Variants in RASGRP4 observed in about 807,000 individuals in gnomAD.
The protein encoded by RASGRP4 is RAS guanyl-releasing protein 4.
RASGRP4 carries 52 observed loss-of-function variants against 84.4 expected under a neutral mutation model. The observed-to-expected ratio is 0.62, with a 90% CI of 0.49 to 0.78. The LOEUF (loss-of-function observed/expected upper bound fraction) is 0.78. Among genes scored for constraint, RASGRP4 ranks in the 30% least tolerant of loss-of-function variants. The pLI is 0.00. For synonymous variants in RASGRP4, 356 were observed against 359.1 expected (o/e 0.99, Z 0.10); for missense variants, 760 against 886.9 (o/e 0.86, Z 1.82).
chr19:38,415,319 C>T (rs1326786750), intron 8 of RASGRP4, among the ~76,000 whole-genome samples, 196 bp from the exon 9 acceptor site: 3 of 152,036 alleles, frequency 2.0e-5, no homozygotes, highest in Non-Finnish European at 4.4e-5. Flanking sequence ...AGAAGTTCCA[C>T]AATCCCCCAT....
rs1334260358 is a variant in RASGRP4 at position 38,410,020 on chromosome 19, GA to G, written c.*19del. Reference sequence around the variant, plus strand: ...CTGACTGGGGGAAGGGAGTGAGGAAGAGAGGAGACCAAGAGATGTCTAGGAA... The same window carrying G: ...CTGACTGGGGGAAGGGAGTGAGGAAGGAGGAGACCAAGAGATGTCTAGGAA... On this transcript the variant is annotated 3_prime_UTR_variant, in exon 17 of 17. Transcript: ENST00000615439. The G allele has an allele frequency of 2.5e-6, 4 of 1,603,830 alleles. No individual in the cohort carries two copies. The highest frequency in any genetic ancestry group is 3.4e-6 in the Non-Finnish European group (4 of 1,173,380).
chr19:38,409,951 C>A lies in RASGRP4; in HGVS notation c.*89G>T. ...TGGGAAGGCGGATGCCTCTGGAGGC[C>A]TACCTCTGGGAGCCCTGCCAGAGTC... On this transcript the variant is annotated 3_prime_UTR_variant, in exon 17 of 17. Coordinates refer to ENST00000615439, the MANE Select transcript of RASGRP4 (RefSeq NM_170604.3). 2 of 1,055,456 alleles carry A rather than the reference C, an allele frequency of 1.9e-6. No homozygotes were observed. Among genetic ancestry groups the A allele is most frequent in the Non-Finnish European group, 2.8e-6 (2 of 714,822 alleles). The allele number at this position is 1,055,456 out of a possible 1,614,324, so 65.4% of individuals were successfully genotyped here. A position where few individuals can be genotyped will look rare whatever the true frequency, so the allele number is the denominator to read the frequency against.
intron 8 of RASGRP4, among the ~76,000 whole-genome samples, chr19:38,415,643 G>A (rs1251689786): frequency 6.6e-6 from 1 of 151,906 alleles, no homozygotes; most frequent in African/African-American, 2.4e-5. Context: ...AAAGTGTTGG[G>A]ATTACAGGCG....
chr19:38,421,291 G>A lies in RASGRP4; in HGVS notation c.209-91C>T, dbSNP rs113614985. On this transcript the variant is annotated intron_variant, in intron 2 of 16. Coordinates refer to ENST00000615439, the MANE Select transcript of RASGRP4 (RefSeq NM_170604.3). The stretch of plus-strand genomic sequence containing the variant: ...ATCCTGCCGGACCACCTGGTTCAAA[G>A]ACCAGCTCTAACGGTGATCCCCAGC... The A allele has an allele frequency of 7.9e-3, 7,329 of 922,656 alleles. 36 individuals are homozygous for A. Among genetic ancestry groups the A allele is most frequent in the Non-Finnish European group, 0.01 (5,934 of 572,870 alleles). The allele number at this position is 922,656 out of a possible 1,614,324, so 57.2% of individuals were successfully genotyped here.
chr19:38,412,944 G>A lies in RASGRP4; in HGVS notation c.1522C>T (p.Pro508Ser). 1 of 1,613,980 alleles carries A rather than the reference G, an allele frequency of 6.2e-7. No homozygotes were observed. ...FPFACHGLHP[P>S]PRQGRGSFSR... ...ACAACCACTTACCCCTGGCGTGGGGGTGGGTGAAGCCCATGGCAGGCGAAG... is the reference window on the plus strand; with the variant it reads ...ACAACCACTTACCCCTGGCGTGGGGATGGGTGAAGCCCATGGCAGGCGAAG... The change falls in exon 12 of 17, where the codon CCC becomes TCC. Residue 508 changes from proline to serine, a missense_variant. Physicochemically the swap from Pro to Ser is moderately conservative, Grantham distance 74 (BLOSUM62 -1). Transcript: ENST00000615439. This position sits in a 1 kb window ranked among gnomAD's most constrained non-coding sequence, Gnocchi z 4.6.
chr19:38,414,417 C>T (rs1469527036), intron 9 of RASGRP4, among the ~76,000 whole-genome samples: 1 of 152,016 alleles, frequency 6.6e-6, no homozygotes, highest in Non-Finnish European at 1.5e-5. Context: ...ACCTCCACCT[C>T]CCGGGTTCAA....
rs374491405 is a variant in RASGRP4, at chr19:38,417,176, G to C, written c.838-8C>G. On this transcript the variant is annotated splice_region_variant and splice_polypyrimidine_tract_variant and intron_variant, in intron 7 of 16. Coordinates refer to ENST00000615439, the MANE Select transcript of RASGRP4 (RefSeq NM_170604.3). This position sits in a 1 kb window ranked among gnomAD's most constrained non-coding sequence, Gnocchi z 5.1. ...CTGCAGCTGGTGGAGCCTCTAGGAAGAGAAGCATGCACACAGGGCCGTCAC... is the reference window on the plus strand; with the variant it reads ...CTGCAGCTGGTGGAGCCTCTAGGAACAGAAGCATGCACACAGGGCCGTCAC... 6.5e-7 allele frequency: 1 copy of C among 1,540,484 alleles called. No individual in the cohort carries two copies. Among genetic ancestry groups the C allele is most frequent in the East Asian group, 2.4e-5 (1 of 41,078 alleles).
rs1162650696 is a variant in RASGRP4 at position 38,413,435 on chromosome 19, C to T, written c.1270G>A (p.Glu424Lys). 1 of 1,606,738 alleles carries T rather than the reference C, an allele frequency of 6.2e-7. No homozygotes were observed. Among genetic ancestry groups the T allele is most frequent in the East Asian group, 2.2e-5 (1 of 44,566 alleles). Reference protein sequence around the residue: ...DLFYTEDEIYELSYAREPRCP... With the variant: ...DLFYTEDEIYKLSYAREPRCP... ...CGCGGCTCCCGGGCATAAGAAAGCTCATAGATCTCGTCTTCCGTGTAGAAG... is the reference window on the plus strand; with the variant it reads ...CGCGGCTCCCGGGCATAAGAAAGCTTATAGATCTCGTCTTCCGTGTAGAAG... The change falls in exon 10 of 17, where the codon GAG (glutamate) becomes AAG (lysine). Residue 424 changes from glutamate to lysine, a missense_variant. Physicochemically the swap from Glu to Lys is moderately conservative, Grantham distance 56. Transcript: ENST00000615439. This position sits in a 1 kb window ranked among gnomAD's most constrained non-coding sequence, Gnocchi z 4.7.
chr19:38,421,059 T>C (rs1210832626), intron 3 of RASGRP4, 36 bp downstream of exon 3: 1 of 1,607,354 alleles, frequency 6.2e-7, no homozygotes, highest in South Asian at 1.1e-5. Flanking sequence ...CTCTGCCCTC[T>C]GCCCTCCACC....
Position 38,418,960 on chromosome 19 carries a change from G to A in RASGRP4, c.664-396C>T, listed in dbSNP as rs1971621995. ...TAACTGTACACCTGACTGGTATACA[G>A]TAAGCAAAGGGAAGGCTGGGGAAGA... is the stretch of plus-strand genomic sequence containing the variant. On this transcript the variant is annotated intron_variant, in intron 6 of 16. Coordinates refer to ENST00000615439, the MANE Select transcript of RASGRP4 (RefSeq NM_170604.3). The surrounding 1 kb of genome is among the most constrained non-coding windows in gnomAD (Gnocchi z 4.6). Among the ~76,000 whole-genome samples the A allele has an allele frequency of 6.6e-6, 1 of 152,138 alleles. No homozygotes were observed. The highest frequency in any genetic ancestry group is 2.1e-4 in the South Asian group (1 of 4,834).
In RASGRP4 at chr19:38,420,178, G is replaced by A; in HGVS notation, c.462C>T (p.Ala154=). 6.2e-7 allele frequency: 1 copy of A among 1,613,490 alleles called. No individual in the cohort carries two copies. Among genetic ancestry groups the A allele is most frequent in the Non-Finnish European group, 8.5e-7 (1 of 1,179,708 alleles). ...TTCTCTGGGCTGAGTTGCCCTCCCG[G>A]GCCACGGTGGCCCAGAAACGACCTA... The part of the protein sequence containing the change: ...EVIGRFWATV[A]REGNSAQRRL... Residue 154 remains alanine (A), a synonymous_variant, in exon 5 of 17, where the codon GCC becomes GCT. Coordinates refer to ENST00000615439, the MANE Select transcript of RASGRP4 (RefSeq NM_170604.3).
rs1183704794 is a variant in RASGRP4, at chr19:38,419,863, G to A, written c.660C>T (p.Ile220=). 1.3e-6 allele frequency: 2 copies of A among 1,593,842 alleles called. No homozygotes were observed. Among genetic ancestry groups the A allele is most frequent in the Admixed American group, 3.5e-5 (2 of 56,356 alleles). Residue 220 remains isoleucine (I), a synonymous_variant, in exon 6 of 17, where the codon ATC becomes ATT. Transcript: ENST00000615439. ...GGGGATGGGAGGGGGTCCTCACCGTGATAGCCTGGAAGGACCGGAACTCCA... is the reference window on the plus strand; with the variant it reads ...GGGGATGGGAGGGGGTCCTCACCGTAATAGCCTGGAAGGACCGGAACTCCA... ...TYLEFRSFQA[I]TPQDLRSYVL...
chr19:38,415,129 G>A lies in RASGRP4; in HGVS notation c.955-6C>T. On this transcript the variant is annotated splice_polypyrimidine_tract_variant and splice_region_variant and intron_variant, in intron 8 of 16. Transcript: ENST00000615439. Reference sequence around the variant, plus strand: ...TCAGTGAGCTCCAGGAGGGCCTGGGGAGGAGGGACATGGGATTGGGGCGTT... The same window carrying A: ...TCAGTGAGCTCCAGGAGGGCCTGGGAAGGAGGGACATGGGATTGGGGCGTT... 6.3e-7 allele frequency: 1 copy of A among 1,584,432 alleles called. No homozygotes were observed.
At chr19:38,421,006 A>T (rs2145231957) in intron 3 of RASGRP4, 36 bp from the exon 4 acceptor site, 11 of 1,611,372 alleles carry the variant, frequency 6.8e-6, no homozygotes, top group Non-Finnish European at 9.3e-6. Context: ...TCCAGGATCC[A>T]TGACCTGCCT....
At position 38,413,136 on chromosome 19, in the gene RASGRP4, T is replaced by C; in HGVS notation, c.1416+57A>G. On this transcript the variant is annotated intron_variant, in intron 11 of 16. Coordinates refer to ENST00000615439, the MANE Select transcript of RASGRP4 (RefSeq NM_170604.3). The surrounding 1 kb of genome is among the most constrained non-coding windows in gnomAD (Gnocchi z 4.7). Reference sequence around the variant, plus strand: ...TAAGTCCCCACCTCCAGGCTCAGGGTTCTACAGATGTCTTCCCTCCTGGCT... The same window carrying C: ...TAAGTCCCCACCTCCAGGCTCAGGGCTCTACAGATGTCTTCCCTCCTGGCT... The C allele has an allele frequency of 1.3e-6, 2 of 1,582,928 alleles. No individual in the cohort carries two copies. Among genetic ancestry groups the C allele is most frequent in the African/African-American group, 2.7e-5 (2 of 74,322 alleles).
intron 8 of RASGRP4, among the ~76,000 whole-genome samples, chr19:38,416,189 C>A (rs549839846): frequency 6.6e-6 from 1 of 151,500 alleles, no homozygotes; most frequent in Non-Finnish European, 1.5e-5. Context: ...TTCAGCCAGG[C>A]GCGGAGGCTC....
chr19:38,425,183 C>CA (rs570185454), intron 1 of RASGRP4, among the ~76,000 whole-genome samples: 6,986 of 67,028 alleles, frequency 0.1, 235 homozygotes, highest in Non-Finnish European at 0.15. Flanking sequence ...GACTCCGTCT[C>CA]AAAAAAAAAA....
In RASGRP4 at chr19:38,409,836, G is replaced by A. The variant is rs984950990; in HGVS notation, c.*204C>T. 1.9e-6 allele frequency: 1 copy of A among 520,722 alleles called. No homozygotes were observed. The highest frequency in any genetic ancestry group is 3.4e-6 in the Non-Finnish European group (1 of 290,562). 32.3% of individuals were successfully genotyped at this position (520,722 alleles called of 1,614,324 possible). The stretch of plus-strand genomic sequence containing the variant: ...CGCACAGATACTAAGTGCAGGGAAA[G>A]GGAGCAGGATTAGCATCCACCAGGA... On this transcript the variant is annotated 3_prime_UTR_variant, in exon 17 of 17. Coordinates refer to ENST00000615439, the MANE Select transcript of RASGRP4 (RefSeq NM_170604.3).
chr19:38,422,303 A>C (rs1971793030), intron 1 of RASGRP4, 150 bp from the exon 2 acceptor site: 2 of 663,948 alleles, frequency 3.0e-6, no homozygotes, highest in Admixed American at 3.2e-5. Context: ...GGGACTCTAG[A>C]GAGAATCCCC....
Sources: allele counts gnomAD v4.1 joint callset (sites outside exome capture counted in the v4.1 genomes callset), GRCh38; gene constraint gnomAD v4.1.1; non-coding constraint Gnocchi (gnomAD v3.1); transcripts MANE v1.5; gene names NCBI Gene and HGNC (gene_info 2026-07-23, HGNC 2026-07-21).